The following NEMP2 variants were observed in gnomAD, a reference collection of about 807,000 sequenced individuals.
NEMP2 encodes the protein nuclear envelope integral membrane protein 2, also known as UPF0571 transmembrane protein.
Under a neutral mutation model 54.2 loss-of-function variants are expected in NEMP2, and 53 were observed. The observed-to-expected ratio is 0.98, with a 90% confidence interval of 0.78 to 1.23. NEMP2 has a LOEUF of 1.23. Among genes scored for constraint, NEMP2 ranks in the 50% most tolerant of loss-of-function variants. The pLI is 0.00. For synonymous variants in NEMP2, 197 were observed against 190.3 expected (o/e 1.04, Z -0.29); for missense variants, 455 against 511.3 (o/e 0.89, Z 1.06).
the NEMP2 span, among the ~76,000 whole-genome samples, chr2:190,634,715 AAATAAAAT>A: frequency 6.6e-6 from 1 of 152,248 alleles, no homozygotes; most frequent in African/African-American, 2.4e-5. The surrounding 1 kb of genome is among the most constrained non-coding windows in gnomAD (Gnocchi z 6.8). Context: ...AAAGAAATAT[AAATAAAAT>A]CCATAGCTGT....
the NEMP2 span, among the ~76,000 whole-genome samples, chr2:190,445,448 C>T: frequency 1.2e-5 from 1 of 83,898 alleles, no homozygotes; most frequent in Admixed American, 1.5e-4. Context: ...TTTTAAAAAG[C>T]CCCAATCACA....
downstream of NEMP2, among the ~76,000 whole-genome samples, chr2:190,503,055 A>C (rs1008837655): frequency 5.9e-5 from 9 of 152,196 alleles, no homozygotes; most frequent in Non-Finnish European, 1.3e-4. This position sits in a 1 kb window ranked among gnomAD's most constrained non-coding sequence, Gnocchi z 6.3. Flanking sequence ...CCCAGCCTGA[A>C]CCATTACCAT....
chr2:190,504,465 G>A lies in NEMP2; in HGVS notation c.*4724C>T, dbSNP rs1203388169. The A allele has an allele frequency of 2.0e-5, 3 of 151,912 alleles. No homozygotes were observed. The highest frequency in any genetic ancestry group is 2.9e-5 in the Non-Finnish European group (2 of 67,994). 9.4% of individuals were successfully genotyped at this position (151,912 alleles called of 1,614,324 possible). A position where few individuals can be genotyped will look rare whatever the true frequency, so the allele number is the denominator to read the frequency against. ...ACAGTAAGGCATTCAATTCCAACAT[G>A]CATTGTAAACATTAAGTGGTTGGGG... On this transcript the variant is annotated 3_prime_UTR_variant, in exon 9 of 9. Transcript: ENST00000409150. The surrounding 1 kb of genome is among the most constrained non-coding windows in gnomAD (Gnocchi z 5.6).
chr2:190,643,032 T>TTTG, the NEMP2 span, among the ~76,000 whole-genome samples: 53 of 149,778 alleles, frequency 3.5e-4, no homozygotes, highest in Non-Finnish European at 5.5e-4. Context: ...GGTTTTTTTT[T>TTTG]TTTTTTTTTT....
At chr2:190,623,114 A>G in the NEMP2 span, among the ~76,000 whole-genome samples, 1 of 152,194 alleles carries the variant, frequency 6.6e-6, no homozygotes, top group African/African-American at 2.4e-5. Context: ...ATTTAACCAA[A>G]GAAGTGAAAG....
chr2:190,561,163 G>A, the NEMP2 span, among the ~76,000 whole-genome samples: 1 of 152,068 alleles, frequency 6.6e-6, no homozygotes, highest in Non-Finnish European at 1.5e-5. This position sits in a 1 kb window ranked among gnomAD's most constrained non-coding sequence, Gnocchi z 5.4. Flanking sequence ...CATTCTCTGT[G>A]GCCTTCCCTC....
chr2:190,604,119 A>T, the NEMP2 span, among the ~76,000 whole-genome samples: 1 of 152,222 alleles, frequency 6.6e-6, no homozygotes, highest in African/African-American at 2.4e-5. The surrounding 1 kb of genome is among the most constrained non-coding windows in gnomAD (Gnocchi z 4.5). Context: ...GCAGCTAGGG[A>T]TGGTCTACGT....
the NEMP2 span, among the ~76,000 whole-genome samples, chr2:190,492,275 CAA>C: frequency 1.3e-5 from 2 of 152,108 alleles, no homozygotes; most frequent in South Asian, 4.1e-4. The surrounding 1 kb of genome is among the most constrained non-coding windows in gnomAD (Gnocchi z 5.2). Context: ...CCTAAACATC[CAA>C]ATACAAGAAT....
the NEMP2 span, among the ~76,000 whole-genome samples, chr2:190,555,546 T>C: frequency 5.3e-5 from 8 of 151,512 alleles, no homozygotes; most frequent in East Asian, 1.2e-3. This position sits in a 1 kb window ranked among gnomAD's most constrained non-coding sequence, Gnocchi z 4.8. Flanking sequence ...AATAGCCAAA[T>C]TGATCAAGCA....
the NEMP2 span, among the ~76,000 whole-genome samples, chr2:190,601,466 T>C: frequency 6.6e-6 from 1 of 152,158 alleles, no homozygotes; most frequent in South Asian, 2.1e-4. The surrounding 1 kb of genome is among the most constrained non-coding windows in gnomAD (Gnocchi z 5.8). Flanking sequence ...TACGTTGGTC[T>C]TGACTCAAAG....
the NEMP2 span, chr2:190,464,977 T>A: frequency 1.2e-6 from 1 of 844,588 alleles, no homozygotes; most frequent in Non-Finnish European, 1.4e-6. Flanking sequence ...GTCTCACAAC[T>A]AACTACACTG....
chr2:190,581,111 T>A, the NEMP2 span, among the ~76,000 whole-genome samples: 1 of 152,158 alleles, frequency 6.6e-6, no homozygotes, highest in Admixed American at 6.5e-5. Context: ...ATCTGGAACA[T>A]AACTAAAAAC....
At chr2:190,482,546 G>C in the NEMP2 span, among the ~76,000 whole-genome samples, 1 of 151,996 alleles carries the variant, frequency 6.6e-6, no homozygotes, top group African/African-American at 2.4e-5. Flanking sequence ...GCAGAAGGAA[G>C]AAAAACAAAA....
the NEMP2 span, among the ~76,000 whole-genome samples, chr2:190,572,833 G>GTATATATATATATATATA: frequency 2.1e-5 from 1 of 47,858 alleles, no homozygotes; most frequent in Non-Finnish European, 3.7e-5. Context: ...CTTTTCATGA[G>GTATATATATATATATATA]TATATATATA....
the NEMP2 span, among the ~76,000 whole-genome samples, chr2:190,634,658 C>T: frequency 6.6e-6 from 1 of 152,188 alleles, no homozygotes; most frequent in Non-Finnish European, 1.5e-5. This position sits in a 1 kb window ranked among gnomAD's most constrained non-coding sequence, Gnocchi z 6.8. Context: ...ATTCCCTATT[C>T]AAAAGGTTTT....
chr2:190,600,841 A>G, the NEMP2 span, among the ~76,000 whole-genome samples: 2 of 152,258 alleles, frequency 1.3e-5, no homozygotes, highest in South Asian at 4.1e-4. This position sits in a 1 kb window ranked among gnomAD's most constrained non-coding sequence, Gnocchi z 4.9. Context: ...AGACTCAGAC[A>G]GTGCAGGAAT....
chr2:190,483,465 CT>C, the NEMP2 span, among the ~76,000 whole-genome samples: 1 of 152,064 alleles, frequency 6.6e-6, no homozygotes, highest in Non-Finnish European at 1.5e-5. Context: ...AGTACTGTAC[CT>C]ATTGGAGGAA....
rs573105447 is a variant in NEMP2 at position 190,520,002 on chromosome 2, C to A, written c.214-819G>T. Among the ~76,000 whole-genome samples, 361 of 151,386 alleles carry A rather than the reference C, an allele frequency of 2.4e-3. No homozygotes were observed. The highest frequency in any genetic ancestry group is 8.1e-3 in the African/African-American group (334 of 41,386). On this transcript the variant is annotated intron_variant, in intron 2 of 8. Coordinates refer to ENST00000409150, the MANE Select transcript of NEMP2 (RefSeq NM_001142645.2). This position sits in a 1 kb window ranked among gnomAD's most constrained non-coding sequence, Gnocchi z 5.4. Reference sequence around the variant, plus strand: ...GTAGGGTTTTTTTAAAGATATAATTCTATTGCACCCTTAATAGACTAACAG... The same window carrying A: ...GTAGGGTTTTTTTAAAGATATAATTATATTGCACCCTTAATAGACTAACAG...
the NEMP2 span, among the ~76,000 whole-genome samples, chr2:190,438,958 G>A: frequency 4.6e-5 from 7 of 151,784 alleles, no homozygotes; most frequent in Non-Finnish European, 1.5e-5. The surrounding 1 kb of genome is among the most constrained non-coding windows in gnomAD (Gnocchi z 5.2). Context: ...TCAGATCTTC[G>A]ATCCCTTTGT....
Sources: allele counts gnomAD v4.1 joint callset (sites outside exome capture counted in the v4.1 genomes callset), GRCh38; gene constraint gnomAD v4.1.1; non-coding constraint Gnocchi (gnomAD v3.1); transcripts MANE v1.5; gene names NCBI Gene and HGNC (gene_info 2026-07-23, HGNC 2026-07-21).